The following TRAIP variants were observed in gnomAD, a reference collection of about 807,000 sequenced individuals.
TRAIP encodes E3 ubiquitin-protein ligase TRAIP.
Under a neutral mutation model 65.0 loss-of-function variants are expected in TRAIP, and 37 were observed. The observed-to-expected ratio is 0.57, with a 90% CI of 0.44 to 0.75. The LOEUF (loss-of-function observed/expected upper bound fraction) is 0.75. Ranked by LOEUF, TRAIP falls within the 30% of genes least tolerant of loss-of-function variation. The pLI is 0.00. For synonymous variants in TRAIP, 187 were observed against 219.1 expected, an observed-to-expected ratio of 0.85 and a Z score of 1.29; for missense variants, 481 against 579.4, an observed-to-expected ratio of 0.83 and a Z score of 1.74.
At chr3:49,835,009 C>G (rs540778952) in intron 10 of TRAIP, among the ~76,000 whole-genome samples, 3 of 151,952 alleles carry the variant, frequency 2.0e-5, no homozygotes, top group African/African-American at 4.8e-5. Flanking sequence ...CAATACTGAC[C>G]TGGGCAACAT....
rs2081833501 is a variant in TRAIP at position 49,840,923 on chromosome 3, C to G, written c.705+62G>C. 4.7e-6 allele frequency: 7 copies of G among 1,502,876 alleles called. No individual in the cohort carries two copies. In the African/African-American group the frequency reaches 9.6e-5, roughly 21 times the overall value. The allele number at this position is 1,502,876 out of a possible 1,614,324, so 93.1% of individuals were successfully genotyped here. A position where few individuals can be genotyped will look rare whatever the true frequency, so the allele number is the denominator to read the frequency against. ...GGTCCCATGGCCTTGCTCAGGAGAC[C>G]AGAGTGAACATGACAAAAGGAGAGC... On this transcript the variant is annotated intron_variant, in intron 8 of 14. Coordinates refer to ENST00000331456, the MANE Select transcript of TRAIP (RefSeq NM_005879.3).
At chr3:49,833,403 A>T (rs2081752824) in intron 10 of TRAIP, among the ~76,000 whole-genome samples, 1 of 152,008 alleles carries the variant, frequency 6.6e-6, no homozygotes, top group Non-Finnish European at 1.5e-5. Flanking sequence ...AAGACTCAGG[A>T]GGTTCTCACG....
chr3:49,829,852 C>A, intron 12 of TRAIP, 86 bp from the exon 13 acceptor site: 5 of 1,592,492 alleles, frequency 3.1e-6, no homozygotes, highest in Non-Finnish European at 4.3e-6. Flanking sequence ...AGATCAGGAT[C>A]TCTGATGCCT....
Position 49,856,432 on chromosome 3 carries a change from T to C in TRAIP, c.22A>G (p.Thr8Ala). MPIRALCTICSDFFDHSR... is the reference protein window; with the variant it reads MPIRALCAICSDFFDHSR... ...TGATCGAAGAAGTCGGAGCAGATAG[T>C]GCACAGAGCACGGATAGGCATGATG... The change falls in exon 1 of 15, where the codon ACT (threonine) becomes GCT (alanine). Residue 8 changes from threonine (T) to alanine (A), a missense_variant. Physicochemically the swap from Thr to Ala is moderately conservative, Grantham distance 58. Coordinates refer to ENST00000331456, the MANE Select transcript of TRAIP (RefSeq NM_005879.3). 1.2e-6 allele frequency: 2 copies of C among 1,614,098 alleles called. No homozygotes were observed. Among genetic ancestry groups the C allele is most frequent in the Non-Finnish European group, 1.7e-6 (2 of 1,179,988 alleles).
At position 49,831,034 on chromosome 3, in the gene TRAIP, G is replaced by A. The variant is rs539990902; in HGVS notation, c.1037+882C>T. On this transcript the variant is annotated intron_variant, in intron 11 of 14. Transcript: ENST00000331456. ...TTACAGCGGAAGAAGGGCAATGGGA[G>A]GAAGCCAGAGTACACAGCAGACACT... 2.0e-5 allele frequency among the ~76,000 whole-genome samples: 3 copies of A among 152,332 alleles called. No individual in the cohort carries two copies. The East Asian group carries it at 5.8e-4, about 29-fold the overall frequency.
chr3:49,831,911 C>G lies in TRAIP; in HGVS notation c.1037+5G>C. 1 of 1,563,758 alleles carries G rather than the reference C, an allele frequency of 6.4e-7. No individual in the cohort carries two copies. Among genetic ancestry groups the G allele is most frequent in the Non-Finnish European group, 8.7e-7 (1 of 1,153,276 alleles). On this transcript the variant is annotated splice_donor_5th_base_variant and intron_variant, in intron 11 of 14. Transcript: ENST00000331456. ...CCATGGACAGTGCCAGCGACTATCA[C>G]TCACTGTGACTTCTCTAGGCAAAGT...
In TRAIP at chr3:49,855,572, G is replaced by T. The variant is rs757287086; in HGVS notation, c.98+784C>A. 7.5e-4 allele frequency among the ~76,000 whole-genome samples: 114 copies of T among 152,248 alleles called. 1 individual carries two copies. The highest frequency in any genetic ancestry group is 3.1e-4 in the Non-Finnish European group (21 of 68,046). On this transcript the variant is annotated intron_variant, in intron 1 of 14. Coordinates refer to ENST00000331456, the MANE Select transcript of TRAIP (RefSeq NM_005879.3). Reference sequence around the variant, plus strand: ...TTTCTAGTCTAACCAAACAGCAGTGGCTCCCTCAGCATGGGGCTCAGGCTG... The same window carrying T: ...TTTCTAGTCTAACCAAACAGCAGTGTCTCCCTCAGCATGGGGCTCAGGCTG...
intron 3 of TRAIP, 38 bp downstream of exon 3, chr3:49,847,487 G>A: frequency 7.5e-7 from 1 of 1,339,444 alleles, no homozygotes; most frequent in Non-Finnish European, 1.0e-6. Context: ...ACTCGCACAA[G>A]GCTTGGAGTT....
chr3:49,830,842 C>T (rs566709536), intron 11 of TRAIP, among the ~76,000 whole-genome samples: 1 of 152,326 alleles, frequency 6.6e-6, no homozygotes, highest in African/African-American at 2.4e-5. Context: ...CCTGCCCTAA[C>T]GGCCTGTGGT....
At chr3:49,844,355 C>T (rs567581674) in intron 4 of TRAIP, among the ~76,000 whole-genome samples, 186 bp downstream of exon 4, 1 of 152,242 alleles carries the variant, frequency 6.6e-6, no homozygotes, top group African/African-American at 2.4e-5. Context: ...TCTAGGTGAA[C>T]AGCTTCAGTC....
intron 10 of TRAIP, among the ~76,000 whole-genome samples, chr3:49,839,009 T>C (rs1317509931): frequency 1.3e-5 from 2 of 150,882 alleles, no homozygotes; most frequent in African/African-American, 4.9e-5. Flanking sequence ...GCCAACATGG[T>C]GAAACCCCGT....
chr3:49,832,640 C>A (rs949581681), intron 10 of TRAIP, among the ~76,000 whole-genome samples: 2 of 143,050 alleles, frequency 1.4e-5, no homozygotes, highest in Non-Finnish European at 3.0e-5. Context: ...ACCATAAGTA[C>A]CTCTATGATA....
chr3:49,856,502 C>T lies in TRAIP; in HGVS notation c.-49G>A, dbSNP rs772560168. On this transcript the variant is annotated 5_prime_UTR_variant, in exon 1 of 15. Coordinates refer to ENST00000331456, the MANE Select transcript of TRAIP (RefSeq NM_005879.3). ...GGCAGCCAAAGAAACTGCTACAGGT[C>T]CGGCTTCGTAGACGCGCCCCCGCGC... The T allele has an allele frequency of 6.4e-7, 1 of 1,551,874 alleles. No individual in the cohort carries two copies. Among genetic ancestry groups the T allele is most frequent in the Non-Finnish European group, 8.8e-7 (1 of 1,136,024 alleles).
intron 10 of TRAIP, among the ~76,000 whole-genome samples, chr3:49,835,193 G>A (rs1416612236): frequency 1.3e-5 from 2 of 152,144 alleles, no homozygotes; most frequent in Non-Finnish European, 2.9e-5. Flanking sequence ...GGGCAACAGA[G>A]CAAGACCCTG....
At chr3:49,849,403 A>T (rs917444758) in intron 1 of TRAIP, among the ~76,000 whole-genome samples, 2 of 151,816 alleles carry the variant, frequency 1.3e-5, no homozygotes, top group African/African-American at 4.8e-5. Context: ...AGGCGGGCAG[A>T]TCACAAGGTC....
chr3:49,828,796 T>C lies in TRAIP; in HGVS notation c.*307A>G. On this transcript the variant is annotated 3_prime_UTR_variant, in exon 15 of 15. Transcript: ENST00000331456. ...CACAGAGACAGTCAACAAGTGACCG[T>C]GGTCTCCAGGCCCAGAAAGAGTCTG... is the stretch of plus-strand genomic sequence containing the variant. The C allele has an allele frequency of 3.0e-6, 1 of 330,804 alleles. No individual in the cohort carries two copies. The allele number at this position is 330,804 out of a possible 1,614,324, so 20.5% of individuals were successfully genotyped here. A position where few individuals can be genotyped will look rare whatever the true frequency, so the allele number is the denominator to read the frequency against.
intron 6 of TRAIP, 83 bp downstream of exon 6, chr3:49,842,370 A>T: frequency 7.2e-7 from 1 of 1,389,338 alleles, no homozygotes; most frequent in Non-Finnish European, 1.0e-6. Context: ...ACCCAATCCC[A>T]CTCCCTGCTG....
chr3:49,841,933 C>T lies in TRAIP; in HGVS notation c.510G>A (p.Glu170=). The part of the protein sequence containing the change: ...RSKMKTMEQI[E]LLLQSQRPEV... ...CAGGGCGCTGGCTCTGGAGTAGAAG[C>T]TCAATCCTGAAAAATACACCCAGCC... The change falls in exon 7 of 15, where the codon GAG becomes GAA. Residue 170 remains glutamate, a synonymous_variant. Transcript: ENST00000331456. 6.2e-7 allele frequency: 1 copy of T among 1,614,066 alleles called. No homozygotes were observed. The highest frequency in any genetic ancestry group is 8.5e-7 in the Non-Finnish European group (1 of 1,179,916).
chr3:49,849,084 A>G (rs908224687), intron 1 of TRAIP, among the ~76,000 whole-genome samples: 4 of 152,086 alleles, frequency 2.6e-5, no homozygotes, highest in African/African-American at 9.7e-5. Flanking sequence ...ACCTCAAGTG[A>G]TCCACCTGCC....
Sources: gnomAD v4.1 joint callset for allele counts (sites outside exome capture counted in the v4.1 genomes callset) on GRCh38, gnomAD v4.1.1 for gene constraint, MANE v1.5 for transcripts, NCBI Gene and HGNC (gene_info 2026-07-23, HGNC 2026-07-21) for gene names.